ANKFY1: variants seen among roughly 807,000 people sequenced by gnomAD.
ANKFY1 encodes the protein ankyrin repeat and FYVE domain-containing protein 1.
In ANKFY1, 47 loss-of-function variants were observed where a neutral mutation model predicts 128.3. The observed-to-expected ratio is 0.37, with a 90% CI of 0.29 to 0.47. The LOEUF (loss-of-function observed/expected upper bound fraction) is 0.47. Ranked by LOEUF, ANKFY1 falls within the 20% of genes least tolerant of loss-of-function variation. ANKFY1 has a pLI of 1.00. For synonymous variants in ANKFY1, 553 were observed against 601.6 expected, an observed-to-expected ratio of 0.92 and a Z score of 1.18; for missense variants, 1,222 against 1,510.6, an observed-to-expected ratio of 0.81 and a Z score of 3.17.
chr17:4,195,233 C>G (rs932459891), intron 9 of ANKFY1, 56 bp from the exon 10 acceptor site: 2 of 1,519,082 alleles, frequency 1.3e-6, no homozygotes, highest in South Asian at 1.2e-5. Context: ...ACACTCTATA[C>G]TGACAACAAC....
At chr17:4,186,753 CCTT>C (rs1765850299) in intron 11 of ANKFY1, 3 of 948,182 alleles carry the variant, frequency 3.2e-6, no homozygotes, top group African/African-American at 1.8e-5. Context: ...CTGTTCCAGA[CCTT>C]CTTCCTACGC....
intron 1 of ANKFY1, among the ~76,000 whole-genome samples, chr17:4,244,042 T>C (rs544165952): frequency 6.3e-4 from 95 of 151,932 alleles, no homozygotes; most frequent in African/African-American, 2.2e-3. Context: ...GCGATTCTCC[T>C]CCTTCAACCT....
At chr17:4,177,628 A>G (rs2059432417) in intron 18 of ANKFY1, among the ~76,000 whole-genome samples, 3 of 152,222 alleles carry the variant, frequency 2.0e-5, no homozygotes. Flanking sequence ...CGCAAGCACC[A>G]AGATATCAGG....
Position 4,216,773 on chromosome 17 carries a change from A to C in ANKFY1, c.458+210T>G. 2.9e-5 allele frequency: 18 copies of C among 623,240 alleles called. No individual in the cohort carries two copies. The South Asian group carries it at 3.3e-4, about 11-fold the overall frequency. 38.6% of individuals were successfully genotyped at this position (623,240 alleles called of 1,614,324 possible). On this transcript the variant is annotated intron_variant, in intron 4 of 24. Coordinates refer to ENST00000341657, the MANE Select transcript of ANKFY1 (RefSeq NM_001330063.2). ...TGTAATTTCAGGTAACAGACCAGTG[A>C]AAGAAAAGAGAATAGCAAAAGCTTT... is the stretch of plus-strand genomic sequence containing the variant.
At position 4,167,168 on chromosome 17, in the gene ANKFY1, G is replaced by A. The variant is rs1458717334; in HGVS notation, c.*611C>T. On this transcript the variant is annotated 3_prime_UTR_variant, in exon 25 of 25. Transcript: ENST00000341657. The surrounding 1 kb of genome is among the most constrained non-coding windows in gnomAD (Gnocchi z 4.1). ...TAAAGCTTTCAGTTGTTAAGGCCAC[G>A]ATTTTTCAGCTCTCATCTTTGAACC... 6.6e-6 allele frequency: 1 copy of A among 152,594 alleles called. No homozygotes were observed. The highest frequency in any genetic ancestry group is 2.1e-4 in the South Asian group (1 of 4,822). The allele number at this position is 152,594 out of a possible 1,614,324, so 9.5% of individuals were successfully genotyped here.
At chr17:4,262,499 C>A (rs1329313099) in intron 1 of ANKFY1, among the ~76,000 whole-genome samples, 3 of 151,992 alleles carry the variant, frequency 2.0e-5, no homozygotes, top group Non-Finnish European at 2.9e-5. Flanking sequence ...TGGCCTCAAG[C>A]GATCCTCCCA....
At chr17:4,246,985 C>T (rs1967576028) in intron 1 of ANKFY1, among the ~76,000 whole-genome samples, 2 of 151,946 alleles carry the variant, frequency 1.3e-5, no homozygotes, top group Non-Finnish European at 2.9e-5. Flanking sequence ...TGGTAGTGGG[C>T]ACCGGTAGTC....
Position 4,166,153 on chromosome 17 carries a change from C to CTAT in ANKFY1, c.*1625_*1626insATA, listed in dbSNP as rs2059206963. On this transcript the variant is annotated 3_prime_UTR_variant, in exon 25 of 25. Coordinates refer to ENST00000341657, the MANE Select transcript of ANKFY1 (RefSeq NM_001330063.2). ...GCATATACATCTTATAAATCACAGA[C>CTAT]TTTTTTTTAAGTAGTACTCCAGTTT... 6.6e-6 allele frequency: 1 copy of CTAT among 152,080 alleles called. No individual in the cohort carries two copies. The highest frequency in any genetic ancestry group is 2.1e-4 in the South Asian group (1 of 4,832). The allele number at this position is 152,080 out of a possible 1,614,324, so 9.4% of individuals were successfully genotyped here.
At chr17:4,248,419 T>C (rs932393078) in intron 1 of ANKFY1, among the ~76,000 whole-genome samples, 4 of 152,208 alleles carry the variant, frequency 2.6e-5, no homozygotes, top group African/African-American at 9.6e-5. Flanking sequence ...ACTACTCCCT[T>C]CCCTACCCCA....
intron 17 of ANKFY1, 129 bp from the exon 18 acceptor site, chr17:4,179,186 T>C: frequency 9.6e-7 from 1 of 1,044,224 alleles, no homozygotes; most frequent in Non-Finnish European, 1.4e-6. Flanking sequence ...TGTGTTTGAC[T>C]CAGCTTTTGA....
chr17:4,207,383 G>A (rs2060045144), intron 6 of ANKFY1, among the ~76,000 whole-genome samples: 1 of 152,188 alleles, frequency 6.6e-6, no homozygotes, highest in Admixed American at 6.6e-5. Flanking sequence ...TCTAGAAGGT[G>A]GGAATGGCCC....
chr17:4,211,811 A>C (rs2060135958), intron 4 of ANKFY1, among the ~76,000 whole-genome samples: 1 of 152,034 alleles, frequency 6.6e-6, no homozygotes, highest in East Asian at 1.9e-4. Context: ...GTAAGAGCCC[A>C]GGAGTTCAAG....
intron 1 of ANKFY1, among the ~76,000 whole-genome samples, chr17:4,259,061 T>G (rs968713556): frequency 2.0e-5 from 3 of 152,128 alleles, no homozygotes; most frequent in African/African-American, 4.8e-5. Flanking sequence ...AAAGCATCAG[T>G]CGCTGTGGAA....
intron 3 of ANKFY1, among the ~76,000 whole-genome samples, chr17:4,224,979 GCTTAT>G (rs1169009077): frequency 2.1e-5 from 3 of 145,304 alleles, no homozygotes. Flanking sequence ...TAAATTTTGT[GCTTAT>G]CTTCAAGGCT....
At chr17:4,218,862 G>A (rs1429212838) in intron 3 of ANKFY1, among the ~76,000 whole-genome samples, 1 of 152,068 alleles carries the variant, frequency 6.6e-6, no homozygotes, top group Non-Finnish European at 1.5e-5. Context: ...GGGTGGCAGA[G>A]CAAGACCCTG....
chr17:4,228,934 A>G lies in ANKFY1; in HGVS notation c.322+6838T>C, dbSNP rs150518091. Among the ~76,000 whole-genome samples, 6 of 152,286 alleles carry G rather than the reference A, an allele frequency of 3.9e-5. No homozygotes were observed. The East Asian group carries it at 1.2e-3, about 29-fold the overall frequency. On this transcript the variant is annotated intron_variant, in intron 3 of 24. Coordinates refer to ENST00000341657, the MANE Select transcript of ANKFY1 (RefSeq NM_001330063.2). ...TACCTAGGGTTCAAATCCCGGCTCC[A>G]ATCCTTGCTAACTGTGTGGAGTTAA...
intron 5 of ANKFY1, among the ~76,000 whole-genome samples, chr17:4,209,111 G>A (rs574894027): frequency 6.6e-6 from 1 of 152,314 alleles, no homozygotes; most frequent in East Asian, 1.9e-4. Context: ...ACCTAAGAAA[G>A]GGAAATCTAA....
chr17:4,171,005 C>T (rs1212743727), intron 22 of ANKFY1, 144 bp from the exon 23 acceptor site: 36 of 1,130,214 alleles, frequency 3.2e-5, no homozygotes, highest in Middle Eastern at 2.9e-4. Context: ...ACGGGGGCCC[C>T]GAGGCTCTGG....
At chr17:4,240,516 C>T (rs914229044) in intron 2 of ANKFY1, among the ~76,000 whole-genome samples, 4 of 152,000 alleles carry the variant, frequency 2.6e-5, no homozygotes, top group Non-Finnish European at 5.9e-5. Flanking sequence ...CTCAGCTTCC[C>T]AAGTAGCTGG....
Sources: allele counts gnomAD v4.1 joint callset (sites outside exome capture counted in the v4.1 genomes callset), GRCh38; gene constraint gnomAD v4.1.1; non-coding constraint Gnocchi (gnomAD v3.1); transcripts MANE v1.5; gene names NCBI Gene and HGNC (gene_info 2026-07-23, HGNC 2026-07-21).